The following GPSM2 variants were observed in gnomAD, a reference collection of about 807,000 sequenced individuals.
GPSM2 encodes the protein G protein signaling modulator 2.
GPSM2 carries 58 observed loss-of-function variants against 78.4 expected under a neutral mutation model. That is an observed-to-expected ratio of 0.74 (90% CI 0.60 to 0.92). The LOEUF (loss-of-function observed/expected upper bound fraction) is 0.92, where lower values mean the gene tolerates loss of function less well. Ranked by LOEUF, GPSM2 falls within the 40% of genes least tolerant of loss-of-function variation. The pLI is 0.00. For missense variants in GPSM2, 700 were observed against 815.5 expected (o/e 0.86, Z 1.73); for synonymous variants, 224 against 280.2 (o/e 0.80, Z 2.00).
In GPSM2 at chr1:108,901,836, G is replaced by A. The variant is rs753366137; in HGVS notation, c.844G>A (p.Ala282Thr). The change falls in exon 8 of 15, where the codon GCA (alanine) becomes ACA (threonine). Residue 282 changes from alanine to threonine, a missense_variant. Transcript: ENST00000264126. ...ACAGCTTAAAGACCGAGCTGTAGAAGCACAGTCTTGTTACAGTCTTGGAAA... is the reference window on the plus strand; with the variant it reads ...ACAGCTTAAAGACCGAGCTGTAGAAACACAGTCTTGTTACAGTCTTGGAAA... ...ARQLKDRAVE[A>T]QSCYSLGNTY... The A allele has an allele frequency of 1.2e-6, 2 of 1,612,342 alleles. No individual in the cohort carries two copies. The highest frequency in any genetic ancestry group is 1.1e-5 in the South Asian group (1 of 91,050).
chr1:108,905,303 C>A (rs558958133), intron 10 of GPSM2, among the ~76,000 whole-genome samples: 1 of 152,308 alleles, frequency 6.6e-6, no homozygotes, highest in Non-Finnish European at 1.5e-5. Flanking sequence ...TAGACCTGTT[C>A]CTTTGTTCGC....
Position 108,898,919 on chromosome 1 carries a change from A to G in GPSM2, c.722A>G (p.Glu241Gly). The change falls in exon 7 of 15, where the codon GAA (glutamate) becomes GGA (glycine). Residue 241 changes from glutamate to glycine, a missense_variant. Transcript: ENST00000264126. Reference protein sequence around the residue: ...IAKEFGDKAAERRAYSNLGNA... With the variant: ...IAKEFGDKAAGRRAYSNLGNA... Reference sequence around the variant, plus strand: ...AAAGAATTTGGAGATAAAGCAGCTGAAAGAAGAGCATATAGCAACCTTGGA... The same window carrying G: ...AAAGAATTTGGAGATAAAGCAGCTGGAAGAAGAGCATATAGCAACCTTGGA... 1 of 1,613,566 alleles carries G rather than the reference A, an allele frequency of 6.2e-7. No homozygotes were observed. Among genetic ancestry groups the G allele is most frequent in the Non-Finnish European group, 8.5e-7 (1 of 1,179,444 alleles).
At position 108,933,629 on chromosome 1, in the gene GPSM2, G is replaced by A. The variant is rs191361403; in HGVS notation, c.*3689G>A. 6.6e-6 allele frequency: 1 copy of A among 152,238 alleles called. No homozygotes were observed. The highest frequency in any genetic ancestry group is 1.5e-5 in the Non-Finnish European group (1 of 68,044). 9.4% of individuals were successfully genotyped at this position (152,238 alleles called of 1,614,324 possible). A position where few individuals can be genotyped will look rare whatever the true frequency, so the allele number is the denominator to read the frequency against. ...TGAACATAACTTGTAGTGTGAATAT[G>A]GTTAAAACAAAGGACACCTGATGTC... On this transcript the variant is annotated 3_prime_UTR_variant, in exon 15 of 15. Transcript: ENST00000264126.
chr1:108,931,386 G>A lies in GPSM2; in HGVS notation c.*1446G>A. The stretch of plus-strand genomic sequence containing the variant: ...TGTAGCAAAAGACAAGTATGGGACA[G>A]ACTGGGACCTGGAGTAACACTGGAT... On this transcript the variant is annotated 3_prime_UTR_variant, in exon 15 of 15. Transcript: ENST00000264126. 1 of 1,551,220 alleles carries A rather than the reference G, an allele frequency of 6.4e-7. No individual in the cohort carries two copies. The highest frequency in any genetic ancestry group is 8.7e-7 in the Non-Finnish European group (1 of 1,147,142).
In GPSM2 at chr1:108,880,521, A is replaced by G. The variant is rs1665838799; in HGVS notation, c.-249+3293A>G. 2.0e-5 allele frequency among the ~76,000 whole-genome samples: 3 copies of G among 151,940 alleles called. No homozygotes were observed. In the South Asian group the frequency reaches 6.2e-4, roughly 32 times the overall value. On this transcript the variant is annotated intron_variant, in intron 1 of 14. Coordinates refer to ENST00000264126, the MANE Select transcript of GPSM2 (RefSeq NM_013296.5). ...CTTGAACCCAGGACGTGGAGGTTAC[A>G]GTGAGCCAAGATGGCGCCACTGCAC...
intron 10 of GPSM2, among the ~76,000 whole-genome samples, chr1:108,908,322 G>A (rs1242944550): frequency 6.6e-6 from 1 of 151,180 alleles, no homozygotes; most frequent in Non-Finnish European, 1.5e-5. Flanking sequence ...AGTGAGCCGA[G>A]ATTGCTCCAC....
chr1:108,925,169 C>A (rs1406565049), intron 14 of GPSM2, among the ~76,000 whole-genome samples: 1 of 152,076 alleles, frequency 6.6e-6, no homozygotes, highest in Non-Finnish European at 1.5e-5. Flanking sequence ...TGGTTCTATT[C>A]ACTGAAATGG....
intron 11 of GPSM2, 121 bp downstream of exon 11, chr1:108,914,529 C>A: frequency 2.8e-6 from 2 of 726,614 alleles, no homozygotes; most frequent in Non-Finnish European, 4.6e-6. Context: ...TTAAAATTTG[C>A]CTGTAAAAAA....
In GPSM2 at chr1:108,897,640, C is replaced by G. The variant is rs1377589258; in HGVS notation, c.414+13C>G. On this transcript the variant is annotated intron_variant, in intron 4 of 14. Transcript: ENST00000264126. ...GCTTAATGACAAGGTAATACCGCAG[C>G]ATTAGATGGTAGGCCTAATATTTTC... 1.2e-6 allele frequency: 2 copies of G among 1,609,186 alleles called. No homozygotes were observed. Among genetic ancestry groups the G allele is most frequent in the Non-Finnish European group, 1.7e-6 (2 of 1,175,942 alleles).
chr1:108,929,884 CA>C lies in GPSM2; in HGVS notation c.2003del (p.Asn668IlefsTer40). ...TGACTTTGGGCTAAAGGACTTTTTG[CA>C]AAATAATGCTTTGTTGGAGTTTAAA... The part of the protein sequence containing the change: ...DTDFGLKDFL[Q>X]NNALLEFKNS... On this transcript the variant is annotated frameshift_variant, in exon 15 of 15. Transcript: ENST00000264126. LOFTEE classifies it high-confidence loss of function. 6.2e-7 allele frequency: 1 copy of C among 1,613,410 alleles called. No individual in the cohort carries two copies. The highest frequency in any genetic ancestry group is 8.5e-7 in the Non-Finnish European group (1 of 1,179,446).
intron 10 of GPSM2, among the ~76,000 whole-genome samples, chr1:108,910,334 C>T (rs1029292006): frequency 2.0e-5 from 3 of 152,172 alleles, no homozygotes; most frequent in Non-Finnish European, 4.4e-5. Flanking sequence ...GATGATTGTA[C>T]AAGTGAGGTA....
intron 12 of GPSM2, 30 bp downstream of exon 12, chr1:108,918,819 T>TCC: frequency 6.8e-7 from 1 of 1,472,794 alleles, no homozygotes; most frequent in East Asian, 2.3e-5. Context: ...TTGAGTATTG[T>TCC]GTTTTGAGTA....
At chr1:108,898,131 T>C (rs775435521) in intron 5 of GPSM2, 30 bp downstream of exon 5, 4 of 1,601,066 alleles carry the variant, frequency 2.5e-6, no homozygotes, top group Non-Finnish European at 3.4e-6. Flanking sequence ...GGCAGTCATG[T>C]AGGCCCATCT....
chr1:108,889,481 A>G (rs763443055), intron 2 of GPSM2, among the ~76,000 whole-genome samples: 14 of 152,252 alleles, frequency 9.2e-5, no homozygotes, highest in Non-Finnish European at 1.9e-4. Context: ...TAGGGCAAAT[A>G]CTTAGGCTAA....
intron 2 of GPSM2, among the ~76,000 whole-genome samples, chr1:108,891,265 GGAA>G (rs1440443879): frequency 6.6e-6 from 1 of 152,108 alleles, no homozygotes; most frequent in East Asian, 1.9e-4. Flanking sequence ...AAGTTGTGAA[GGAA>G]TACAGATATG....
intron 2 of GPSM2, among the ~76,000 whole-genome samples, chr1:108,892,284 T>C (rs1648026685): frequency 6.6e-6 from 1 of 152,216 alleles, no homozygotes; most frequent in Non-Finnish European, 1.5e-5. Flanking sequence ...TGTAGCATCA[T>C]GGTTTTATGT....
intron 1 of GPSM2, chr1:108,877,773 GAGTA>G (rs1175215135): frequency 6.6e-6 from 1 of 152,074 alleles, no homozygotes; most frequent in African/African-American, 2.4e-5. Flanking sequence ...GCTGCAAAAA[GAGTA>G]AGTAAACATA....
intron 1 of GPSM2, among the ~76,000 whole-genome samples, chr1:108,884,431 G>A (rs935968808): frequency 3.3e-5 from 5 of 152,092 alleles, no homozygotes; most frequent in African/African-American, 1.2e-4. Context: ...AATACATTTG[G>A]TATACAATGG....
intron 14 of GPSM2, 27 bp from the exon 15 acceptor site, chr1:108,929,674 C>A: frequency 6.2e-7 from 1 of 1,608,278 alleles, no homozygotes; most frequent in Non-Finnish European, 8.5e-7. Context: ...CACAGTATGT[C>A]TTTTAATCTC....
Sources: allele counts gnomAD v4.1 joint callset (sites outside exome capture counted in the v4.1 genomes callset), GRCh38; gene constraint gnomAD v4.1.1; transcripts MANE v1.5; gene names NCBI Gene and HGNC (gene_info 2026-07-23, HGNC 2026-07-21).